Variants in MROH7 observed in about 807,000 individuals in gnomAD.
The protein encoded by MROH7 is maestro heat-like repeat-containing protein family member 7.
MROH7 carries 113 observed loss-of-function variants against 129.2 expected under a neutral mutation model. The ratio of observed to expected loss-of-function variants is 0.87; its 90% CI spans 0.75 to 1.02. The LOEUF (loss-of-function observed/expected upper bound fraction) is 1.02, where lower values mean the gene tolerates loss of function less well. Among genes scored for constraint, MROH7 ranks in the 50% least tolerant of loss-of-function variants. The probability of loss-of-function intolerance (pLI) is 0.00; values close to 1 mark genes in which losing one functional copy is unlikely to be tolerated. For missense variants in MROH7, 1,601 were observed against 1,671.3 expected, an observed-to-expected ratio of 0.96 and a Z score of 0.73; for synonymous variants, 655 against 667.9, an observed-to-expected ratio of 0.98 and a Z score of 0.30.
intron 11 of MROH7, 103 bp downstream of exon 11, chr1:54,678,957 A>C: frequency 1.0e-6 from 1 of 964,168 alleles, no homozygotes. Flanking sequence ...CAGGCTTTGC[A>C]GGACGCCTTC....
chr1:54,701,294 T>C lies in MROH7; in HGVS notation c.3257T>C (p.Leu1086Pro), dbSNP rs1446271034. 1 of 1,601,164 alleles carries C rather than the reference T, an allele frequency of 6.2e-7. No individual in the cohort carries two copies. Among genetic ancestry groups the C allele is most frequent in the African/African-American group, 1.3e-5 (1 of 74,626 alleles). ...LMDSAVYVEM[L>P]QILLPHFSDA... ...GACAGTGCGGTCTATGTGGAGATGCTGCAGATCCTGCTGCCGCACTTCAGC... is the reference window on the plus strand; with the variant it reads ...GACAGTGCGGTCTATGTGGAGATGCCGCAGATCCTGCTGCCGCACTTCAGC... Residue 1086 changes from leucine to proline, a missense_variant, in exon 19 of 24, where the codon CTG becomes CCG. By Grantham distance (98) the Leu-to-Pro change is moderately conservative. Coordinates refer to ENST00000421030, the MANE Select transcript of MROH7 (RefSeq NM_001039464.4).
chr1:54,665,255 C>G lies in MROH7; in HGVS notation c.1305+15C>G. On this transcript the variant is annotated intron_variant, in intron 4 of 23. Coordinates refer to ENST00000421030, the MANE Select transcript of MROH7 (RefSeq NM_001039464.4). ...ACATGGCTCTGGTATGCCTCCTGCCCAACCCCTAGCTGACTGTGCTGGGAT... is the reference window on the plus strand; with the variant it reads ...ACATGGCTCTGGTATGCCTCCTGCCGAACCCCTAGCTGACTGTGCTGGGAT... 1 of 1,608,422 alleles carries G rather than the reference C, an allele frequency of 6.2e-7. No individual in the cohort carries two copies. Among genetic ancestry groups the G allele is most frequent in the South Asian group, 1.1e-5 (1 of 90,932 alleles).
At chr1:54,668,101 A>G (rs1241978592) in intron 4 of MROH7, among the ~76,000 whole-genome samples, 1 of 152,180 alleles carries the variant, frequency 6.6e-6, no homozygotes, top group African/African-American at 2.4e-5. Flanking sequence ...GTCTGTAATC[A>G]TTGTCTTTTA....
intron 1 of MROH7, among the ~76,000 whole-genome samples, chr1:54,643,005 A>C (rs1644411518): frequency 6.6e-6 from 1 of 152,224 alleles, no homozygotes; most frequent in South Asian, 2.1e-4. Flanking sequence ...TCATTCATTC[A>C]TTCATCCTTC....
chr1:54,680,921 C>T (rs921122027), intron 13 of MROH7, among the ~76,000 whole-genome samples: 2 of 152,162 alleles, frequency 1.3e-5, no homozygotes, highest in African/African-American at 4.8e-5. Context: ...AAGAATTAAA[C>T]CCTTTCTGGC....
At chr1:54,692,366 A>T in intron 15 of MROH7, 58 bp from the exon 16 acceptor site, 1 of 1,595,602 alleles carries the variant, frequency 6.3e-7, no homozygotes, top group South Asian at 1.1e-5. Flanking sequence ...GGGTGGAGGG[A>T]GGCTTGGCCT....
chr1:54,656,463 T>C (rs1426537280), intron 3 of MROH7, among the ~76,000 whole-genome samples: 4 of 141,174 alleles, frequency 2.8e-5, no homozygotes, highest in African/African-American at 5.3e-5. Flanking sequence ...TGAGCCGAGA[T>C]TGAGCCACTG....
rs888751904 is a variant in MROH7 at position 54,673,922 on chromosome 1, C to G, written c.1801-94C>G. 8.5e-6 allele frequency: 13 copies of G among 1,538,412 alleles called. No individual in the cohort carries two copies. In the Admixed American group the frequency reaches 1.9e-4, roughly 22 times the overall value. ...CTCTTGCCATCTTCAGAGGGCTGTG[C>G]TATCTGGGCCAGACTATCCACCGGT... On this transcript the variant is annotated intron_variant, in intron 9 of 23. Coordinates refer to ENST00000421030, the MANE Select transcript of MROH7 (RefSeq NM_001039464.4).
At chr1:54,680,781 G>A (rs1645057066) in intron 13 of MROH7, among the ~76,000 whole-genome samples, 2 of 152,230 alleles carry the variant, frequency 1.3e-5, no homozygotes, top group Non-Finnish European at 1.5e-5. Context: ...TTGTTTGAGA[G>A]CCAAAGAACT....
intron 1 of MROH7, among the ~76,000 whole-genome samples, chr1:54,650,726 ATTT>A (rs60505412): frequency 1.5e-5 from 2 of 137,458 alleles, no homozygotes; most frequent in Non-Finnish European, 3.2e-5. Flanking sequence ...CGCCATCCCG[ATTT>A]TTTTTTTTTT....
At chr1:54,697,902 A>G (rs1645348063) in intron 17 of MROH7, 1 of 462,492 alleles carries the variant, frequency 2.2e-6, no homozygotes, top group East Asian at 3.2e-5. Context: ...CCACAAAGTC[A>G]GGGACTCTAG....
In MROH7 at chr1:54,700,468, G is replaced by A. The variant is rs372345368; in HGVS notation, c.3105+7G>A. 1.1e-5 allele frequency: 18 copies of A among 1,570,692 alleles called. No individual in the cohort carries two copies. The highest frequency in any genetic ancestry group is 1.6e-5 in the Non-Finnish European group (18 of 1,156,966). ...GGCCCGCAGGTCTGAGAAGGTGAGTGGGAGGCAGAGGAAAGCCTGGCCCAG... is the reference window on the plus strand; with the variant it reads ...GGCCCGCAGGTCTGAGAAGGTGAGTAGGAGGCAGAGGAAAGCCTGGCCCAG... On this transcript the variant is annotated splice_region_variant and intron_variant, in intron 18 of 23. Coordinates refer to ENST00000421030, the MANE Select transcript of MROH7 (RefSeq NM_001039464.4).
chr1:54,692,086 T>C (rs1447753607), intron 15 of MROH7, among the ~76,000 whole-genome samples: 1 of 152,106 alleles, frequency 6.6e-6, no homozygotes, highest in Admixed American at 6.5e-5. Flanking sequence ...TGTCCTGAGT[T>C]GGAGAAGGAC....
At chr1:54,664,305 T>C (rs1644778802) in intron 3 of MROH7, among the ~76,000 whole-genome samples, 1 of 152,220 alleles carries the variant, frequency 6.6e-6, no homozygotes, top group Non-Finnish European at 1.5e-5. Flanking sequence ...GGTGTTTAGC[T>C]ATGAATTGTG....
chr1:54,682,876 C>G (rs573998980), intron 14 of MROH7, 82 bp downstream of exon 14: 4 of 1,497,426 alleles, frequency 2.7e-6, no homozygotes, highest in Non-Finnish European at 2.7e-6. Flanking sequence ...TAAGCACACC[C>G]GGCCTCGAGT....
chr1:54,648,457 C>A (rs34721309), intron 1 of MROH7, among the ~76,000 whole-genome samples: 6,261 of 151,942 alleles, frequency 0.041, 179 homozygotes, highest in East Asian at 0.11. Context: ...CCTCTGCCTC[C>A]CAGGTTCAAG....
intron 1 of MROH7, among the ~76,000 whole-genome samples, chr1:54,645,797 C>T (rs556923351): frequency 8.6e-5 from 13 of 151,702 alleles, no homozygotes; most frequent in South Asian, 2.1e-4. Context: ...GGACTACAGG[C>T]GCACACCACC....
At chr1:54,665,543 A>G (rs1428530870) in intron 4 of MROH7, 1 of 225,302 alleles carries the variant, frequency 4.4e-6, no homozygotes, top group Non-Finnish European at 8.8e-6. Flanking sequence ...ATATTTTTAA[A>G]CAATTGAATG....
At chr1:54,680,796 A>T (rs999238105) in intron 13 of MROH7, among the ~76,000 whole-genome samples, 1 of 152,244 alleles carries the variant, frequency 6.6e-6, no homozygotes, top group Non-Finnish European at 1.5e-5. Context: ...AGAACTGTGC[A>T]GAGCTGTGCA....
Sources: allele counts gnomAD v4.1 joint callset (sites outside exome capture counted in the v4.1 genomes callset), GRCh38; gene constraint gnomAD v4.1.1; transcripts MANE v1.5; gene names NCBI Gene and HGNC (gene_info 2026-07-23, HGNC 2026-07-21).